The following CYTH3 variants were observed in gnomAD, a reference collection of about 807,000 sequenced individuals.
The protein encoded by CYTH3 is cytohesin 3.
Under a neutral mutation model 55.1 loss-of-function variants are expected in CYTH3, and 23 were observed. The ratio of observed to expected loss-of-function variants is 0.42; its 90% CI spans 0.30 to 0.59. The LOEUF is 0.59. CYTH3 is among the 20% of genes least tolerant of loss of function. The probability of loss-of-function intolerance (pLI) is 0.20; values close to 1 mark genes in which losing one functional copy is unlikely to be tolerated. For synonymous variants in CYTH3, 249 were observed against 194.9 expected, an observed-to-expected ratio of 1.28 and a Z score of -2.31; for missense variants, 413 against 524.8, an observed-to-expected ratio of 0.79 and a Z score of 2.08.
chr7:6,249,734 C>A (rs1287789970), intron 1 of CYTH3, among the ~76,000 whole-genome samples: 1 of 152,144 alleles, frequency 6.6e-6, no homozygotes, highest in Non-Finnish European at 1.5e-5. Context: ...CGTTGAGATA[C>A]AATTGACAAC....
At chr7:6,224,061 C>A (rs571968742) in intron 1 of CYTH3, among the ~76,000 whole-genome samples, 20 of 151,976 alleles carry the variant, frequency 1.3e-4, no homozygotes, top group African/African-American at 4.6e-4. Context: ...AAAGCAAAAA[C>A]ACGTCTTCAC....
intron 1 of CYTH3, among the ~76,000 whole-genome samples, chr7:6,207,919 C>A (rs1784231881): frequency 6.6e-6 from 1 of 151,084 alleles, no homozygotes; most frequent in Admixed American, 6.6e-5. Flanking sequence ...CACTGCACTG[C>A]AGCCTGGGTG....
At chr7:6,224,149 C>T (rs576700810) in intron 1 of CYTH3, among the ~76,000 whole-genome samples, 1 of 152,226 alleles carries the variant, frequency 6.6e-6, no homozygotes, top group South Asian at 2.1e-4. Flanking sequence ...TCCTGAGTAG[C>T]TGGGACTACA....
At chr7:6,247,506 CAACATTTA>C (rs1779851019) in intron 1 of CYTH3, among the ~76,000 whole-genome samples, 1 of 152,104 alleles carries the variant, frequency 6.6e-6, no homozygotes. Context: ...TCTTTACGAA[CAACATTTA>C]TTCAGATCAC....
intron 1 of CYTH3, among the ~76,000 whole-genome samples, chr7:6,235,737 C>G (rs1458168479): frequency 6.6e-6 from 1 of 152,138 alleles, no homozygotes; most frequent in African/African-American, 2.4e-5. Context: ...ACAATTTTTT[C>G]TAGTCTTGGA....
chr7:6,226,430 G>C (rs1457646930), intron 1 of CYTH3, among the ~76,000 whole-genome samples: 1 of 152,190 alleles, frequency 6.6e-6, no homozygotes, highest in African/African-American at 2.4e-5. Flanking sequence ...ATGTTTAGAT[G>C]AGGGTGGGGA....
intron 1 of CYTH3, among the ~76,000 whole-genome samples, chr7:6,249,252 C>G (rs1779901446): frequency 6.6e-6 from 1 of 152,080 alleles, no homozygotes; most frequent in South Asian, 2.1e-4. Context: ...AAGATAGGGC[C>G]CTTTACTGGA....
At chr7:6,237,309 G>C (rs1779548687) in intron 1 of CYTH3, among the ~76,000 whole-genome samples, 1 of 152,188 alleles carries the variant, frequency 6.6e-6, no homozygotes, top group South Asian at 2.1e-4. Flanking sequence ...TCAGAGGACA[G>C]CTCACATCCC....
At chr7:6,251,738 A>G (rs1177363861) in intron 1 of CYTH3, among the ~76,000 whole-genome samples, 10 of 152,346 alleles carry the variant, frequency 6.6e-5, no homozygotes, top group African/African-American at 2.4e-4. Flanking sequence ...AAGAGCTTCT[A>G]AAAATAGAGT....
In CYTH3 at chr7:6,170,955, C is replaced by A; in HGVS notation, c.586G>T (p.Ala196Ser). ...STDTCYVLSF[A>S]IIMLNTSLHN... Reference sequence around the variant, plus strand: ...AGGCTGGTGTTGAGCATGATGATGGCGAATGACAGCACGTAGCACGTGTCT... The same window carrying A: ...AGGCTGGTGTTGAGCATGATGATGGAGAATGACAGCACGTAGCACGTGTCT... The change falls in exon 8 of 13, where the codon GCC becomes TCC. Residue 196 changes from alanine to serine, a missense_variant. By Grantham distance (99) the Ala-to-Ser change is moderately conservative (BLOSUM62 1). This residue lies in a region of CYTH3 where 156 missense variants were observed against 233.1 expected (regional missense o/e 0.67). Transcript: ENST00000350796. The surrounding 1 kb of genome is among the most constrained non-coding windows in gnomAD (Gnocchi z 7.8). 6.2e-7 allele frequency: 1 copy of A among 1,613,906 alleles called. No homozygotes were observed. Among genetic ancestry groups the A allele is most frequent in the Non-Finnish European group, 8.5e-7 (1 of 1,179,924 alleles).
chr7:6,269,577 G>C (rs908698607), intron 1 of CYTH3, among the ~76,000 whole-genome samples: 2 of 86,056 alleles, frequency 2.3e-5, no homozygotes, highest in Non-Finnish European at 4.0e-5. Context: ...AAACTAGCCA[G>C]CTACCCTCCA....
At chr7:6,224,041 C>G (rs1179892409) in intron 1 of CYTH3, among the ~76,000 whole-genome samples, 1 of 151,876 alleles carries the variant, frequency 6.6e-6, no homozygotes, top group Non-Finnish European at 1.5e-5. Flanking sequence ...CATATTTTTC[C>G]ATTGCACAAA....
chr7:6,173,691 G>C lies in CYTH3; in HGVS notation c.411C>G (p.Leu137=). Residue 137 remains leucine (L), a synonymous_variant, in exon 6 of 13, where the codon CTC becomes CTG. Coordinates refer to ENST00000350796, the MANE Select transcript of CYTH3 (RefSeq NM_004227.4). The stretch of plus-strand genomic sequence containing the variant: ...CAAGGTTGAGATCAGCAAACTCATG[G>C]AGTTCAACAAAGGCTTGAAGAACTT... ...NIKVLQAFVE[L]HEFADLNLVQ... The C allele has an allele frequency of 6.2e-7, 1 of 1,612,364 alleles. No individual in the cohort carries two copies. The highest frequency in any genetic ancestry group is 8.5e-7 in the Non-Finnish European group (1 of 1,178,452).
intron 1 of CYTH3, 83 bp from the exon 2 acceptor site, chr7:6,190,614 C>T: frequency 9.8e-7 from 1 of 1,025,166 alleles, no homozygotes; most frequent in Non-Finnish European, 1.4e-6. Context: ...CATGCTGCCA[C>T]CCAGCAATTC....
intron 1 of CYTH3, among the ~76,000 whole-genome samples, chr7:6,229,328 A>G (rs1232233860): frequency 6.6e-6 from 1 of 152,228 alleles, no homozygotes; most frequent in East Asian, 1.9e-4. Flanking sequence ...TAAAGAAATT[A>G]TACTTCACTG....
chr7:6,172,154 C>T (rs1783217261), intron 6 of CYTH3: 1 of 152,378 alleles, frequency 6.6e-6, no homozygotes. Flanking sequence ...CCAATTAAGT[C>T]TCTGGGCTTT....
At chr7:6,248,082 T>A (rs941879361) in intron 1 of CYTH3, among the ~76,000 whole-genome samples, 6 of 152,066 alleles carry the variant, frequency 3.9e-5, no homozygotes, top group Admixed American at 3.9e-4. Context: ...GTAGATTCAA[T>A]CTGAAATTTA....
intron 5 of CYTH3, among the ~76,000 whole-genome samples, chr7:6,174,119 C>CT (rs143187005): frequency 0.013 from 1,917 of 147,514 alleles, 25 homozygotes; most frequent in Middle Eastern, 0.063. Context: ...ATTTTATATC[C>CT]TTTTTTTTTT....
chr7:6,252,694 G>A (rs1037294592), intron 1 of CYTH3, among the ~76,000 whole-genome samples: 1 of 152,178 alleles, frequency 6.6e-6, no homozygotes, highest in South Asian at 2.1e-4. Flanking sequence ...CAATAGGAAA[G>A]TGTTGAGGGA....
Sources: gnomAD v4.1 joint callset for allele counts (sites outside exome capture counted in the v4.1 genomes callset) on GRCh38, gnomAD v4.1.1 for gene constraint, gnomAD v4.1.1 regional missense constraint, Gnocchi (gnomAD v3.1) non-coding constraint, MANE v1.5 for transcripts, NCBI Gene and HGNC (gene_info 2026-07-23, HGNC 2026-07-21) for gene names.